ASTN2: variants seen among roughly 807,000 people sequenced by gnomAD.
The protein encoded by ASTN2 is astrotactin-2.
Under a neutral mutation model 139.8 loss-of-function variants are expected in ASTN2, and 54 were observed. The ratio of observed to expected loss-of-function variants is 0.39; its 90% confidence interval spans 0.31 to 0.48. ASTN2 has a LOEUF of 0.48. Ranked by LOEUF, ASTN2 falls within the 20% of genes least tolerant of loss-of-function variation. The pLI, the probability that ASTN2 is intolerant of heterozygous loss-of-function variation, is 0.95. For missense variants in ASTN2, 1,565 were observed against 1,725.1 expected, an observed-to-expected ratio of 0.91 and a Z score of 1.64; for synonymous variants, 756 against 719.5, an observed-to-expected ratio of 1.05 and a Z score of -0.81.
chr9:117,279,515 A>G (rs889454843), intron 2 of ASTN2, among the ~76,000 whole-genome samples: 1 of 152,258 alleles, frequency 6.6e-6, no homozygotes, highest in Non-Finnish European at 1.5e-5. Context: ...GGCACAGAGA[A>G]GTTAAGTAAC....
chr9:116,714,076 T>G (rs1339448667), intron 16 of ASTN2, among the ~76,000 whole-genome samples: 1 of 152,228 alleles, frequency 6.6e-6, no homozygotes, highest in African/African-American at 2.4e-5. Flanking sequence ...TGTAAATCAT[T>G]GTTGCCCTTT....
chr9:117,239,805 G>A (rs1360386196), intron 2 of ASTN2, among the ~76,000 whole-genome samples: 1 of 152,218 alleles, frequency 6.6e-6, no homozygotes, highest in African/African-American at 2.4e-5. Flanking sequence ...GCTCAGGCAT[G>A]CAAGTGAATG....
chr9:116,463,579 C>A lies in ASTN2; in HGVS notation c.3498-21026G>T, dbSNP rs10983174. On this transcript the variant is annotated intron_variant, in intron 20 of 22. Transcript: ENST00000313400. ...TATAATGCCTGTCACCTCTCTGGGG[C>A]ACTTCCATTCCTTCACATGTCCCTC... 0.016 allele frequency among the ~76,000 whole-genome samples: 2,422 copies of A among 152,278 alleles called. 183 individuals carry two copies. The South Asian group carries it at 0.21, about 13-fold the overall frequency.
intron 10 of ASTN2, among the ~76,000 whole-genome samples, chr9:116,896,672 G>T (rs1373533813): frequency 6.6e-6 from 1 of 152,172 alleles, no homozygotes; most frequent in Non-Finnish European, 1.5e-5. Flanking sequence ...GTTCCACATG[G>T]CTGGGGAGGT....
At chr9:117,060,591 G>A (rs1839259613) in intron 5 of ASTN2, among the ~76,000 whole-genome samples, 3 of 151,172 alleles carry the variant, frequency 2.0e-5, no homozygotes, top group South Asian at 4.2e-4. Context: ...AAGGCAGGAA[G>A]GAAGGAAGGA....
At chr9:117,292,194 G>T (rs555971653) in intron 1 of ASTN2, among the ~76,000 whole-genome samples, 1 of 152,342 alleles carries the variant, frequency 6.6e-6, no homozygotes, top group South Asian at 2.1e-4. Context: ...CATATAGCCA[G>T]TGAGGAGTGA....
intron 3 of ASTN2, among the ~76,000 whole-genome samples, chr9:117,159,396 G>C (rs1830499043): frequency 6.6e-6 from 1 of 151,990 alleles, no homozygotes. Flanking sequence ...AAAAGTGTTG[G>C]AGTCTACTGA....
At chr9:117,242,216 C>G (rs1833236856) in intron 2 of ASTN2, among the ~76,000 whole-genome samples, 1 of 151,848 alleles carries the variant, frequency 6.6e-6, no homozygotes, top group Admixed American at 6.6e-5. Flanking sequence ...GAATGGTTCC[C>G]CTGGACATAG....
Position 116,572,178 on chromosome 9 carries a change from G to A in ASTN2, c.3355+46146C>T, listed in dbSNP as rs1004412784. ...CCTGCCAGCTCCTCCTCCCCTTCGG[G>A]TGCCCCAGCCTCTCTCCCTGCCTTC... On this transcript the variant is annotated intron_variant, in intron 19 of 22. Transcript: ENST00000313400. 5.9e-5 allele frequency among the ~76,000 whole-genome samples: 9 copies of A among 152,072 alleles called. No homozygotes were observed. In the South Asian group the frequency reaches 1.0e-3, roughly 18 times the overall value.
intron 19 of ASTN2, among the ~76,000 whole-genome samples, chr9:116,600,912 G>A (rs1431561583): frequency 6.6e-6 from 1 of 151,760 alleles, no homozygotes; most frequent in Non-Finnish European, 1.5e-5. Context: ...GGTATTTATT[G>A]AGTGCTTACT....
intron 1 of ASTN2, among the ~76,000 whole-genome samples, chr9:117,326,177 T>A (rs913059589): frequency 2.6e-5 from 4 of 152,304 alleles, no homozygotes; most frequent in East Asian, 1.9e-4. Context: ...TGTTTTTTTT[T>A]TAATTTAACA....
intron 16 of ASTN2, among the ~76,000 whole-genome samples, chr9:116,683,228 C>A (rs1056640039): frequency 6.6e-6 from 1 of 151,750 alleles, no homozygotes. Flanking sequence ...ATATTAGAAT[C>A]GAGGAAAAAC....
At chr9:116,952,596 C>T (rs1835593962) in intron 10 of ASTN2, among the ~76,000 whole-genome samples, 1 of 152,168 alleles carries the variant, frequency 6.6e-6, no homozygotes, top group Non-Finnish European at 1.5e-5. Context: ...ATGACATGGG[C>T]AGCGTGACAT....
chr9:116,852,878 T>TACACACACACACACACACAC (rs3040211), intron 11 of ASTN2, among the ~76,000 whole-genome samples: 1 of 134,338 alleles, frequency 7.4e-6, no homozygotes, highest in Non-Finnish European at 1.5e-5. Flanking sequence ...AAGGGGAAAA[T>TACACACACACACACACACAC]ACACACACAC....
intron 19 of ASTN2, among the ~76,000 whole-genome samples, chr9:116,609,379 G>GTATATATAGATATATA (rs1855405592): frequency 8.6e-6 from 1 of 116,726 alleles, no homozygotes; most frequent in African/African-American, 3.2e-5. Flanking sequence ...ATATATGGGT[G>GTATATATAGATATATA]TATATATATA....
At chr9:116,936,258 C>A (rs1009321611) in intron 10 of ASTN2, among the ~76,000 whole-genome samples, 2 of 148,680 alleles carry the variant, frequency 1.3e-5, no homozygotes, top group South Asian at 4.4e-4. Flanking sequence ...CCATCACCAC[C>A]ACCACCACTA....
intron 10 of ASTN2, among the ~76,000 whole-genome samples, chr9:116,869,586 A>T (rs1035808962): frequency 6.6e-6 from 1 of 152,128 alleles, no homozygotes; most frequent in Non-Finnish European, 1.5e-5. Flanking sequence ...AGGAGAAAAG[A>T]CCAACTTTAA....
intron 1 of ASTN2, among the ~76,000 whole-genome samples, chr9:117,315,667 A>T (rs1828121871): frequency 6.6e-6 from 1 of 152,078 alleles, no homozygotes; most frequent in African/African-American, 2.4e-5. Context: ...TTTTCTTTGG[A>T]CCCATGAGCA....
intron 19 of ASTN2, among the ~76,000 whole-genome samples, chr9:116,535,574 T>C (rs893737540): frequency 2.0e-5 from 3 of 152,158 alleles, no homozygotes; most frequent in Admixed American, 2.0e-4. Context: ...CCCTTAGCAT[T>C]TGCTTGTCTA....
Sources: gnomAD v4.1 joint callset for allele counts (sites outside exome capture counted in the v4.1 genomes callset) on GRCh38, gnomAD v4.1.1 for gene constraint, MANE v1.5 for transcripts, NCBI Gene and HGNC (gene_info 2026-07-23, HGNC 2026-07-21) for gene names.